The following SLX4IP variants were observed in gnomAD, a reference collection of about 807,000 sequenced individuals.
SLX4IP encodes protein SLX4IP.
In SLX4IP, 34 loss-of-function variants were observed where a neutral mutation model predicts 32.9. The observed-to-expected ratio is 1.03, with a 90% confidence interval of 0.79 to 1.38. The LOEUF (loss-of-function observed/expected upper bound fraction) is 1.38. Ranked by LOEUF, SLX4IP falls within the 40% of genes most tolerant of loss-of-function variation. The probability of loss-of-function intolerance (pLI) is 0.00; values close to 1 mark genes in which losing one functional copy is unlikely to be tolerated. For synonymous variants in SLX4IP, 172 were observed against 171.7 expected, an observed-to-expected ratio of 1.00 and a Z score of -0.01; for missense variants, 444 against 479.0, an observed-to-expected ratio of 0.93 and a Z score of 0.68.
intron 6 of SLX4IP, chr20:10,613,009 G>A (rs549953238): frequency 5.5e-4 from 113 of 205,450 alleles, no homozygotes; most frequent in Admixed American, 2.5e-3. Flanking sequence ...AATGTAAACT[G>A]GGAAGTATGT....
intron 4 of SLX4IP, among the ~76,000 whole-genome samples, chr20:10,593,557 G>A (rs968028462): frequency 1.3e-5 from 2 of 152,046 alleles, no homozygotes; most frequent in African/African-American, 4.8e-5. Flanking sequence ...CAACATAGGG[G>A]GACCATGTCT....
At chr20:10,592,221 A>G (rs914731639) in intron 4 of SLX4IP, among the ~76,000 whole-genome samples, 1 of 152,156 alleles carries the variant, frequency 6.6e-6, no homozygotes, top group Non-Finnish European at 1.5e-5. Context: ...CTAGGATCAA[A>G]TATTCCACTT....
At chr20:10,617,652 C>CT (rs549525000) in intron 6 of SLX4IP, among the ~76,000 whole-genome samples, 34,119 of 112,784 alleles carry the variant, frequency 0.3, 5,864 homozygotes, top group Non-Finnish European at 0.36. Context: ...TTCTTTCTTT[C>CT]TTTTTTTTTT....
chr20:10,522,861 C>G lies in SLX4IP; in HGVS notation c.28-33370C>G, dbSNP rs147005459. On this transcript the variant is annotated intron_variant, in intron 2 of 7. Coordinates refer to ENST00000334534, the MANE Select transcript of SLX4IP (RefSeq NM_001009608.3). The stretch of plus-strand genomic sequence containing the variant: ...CTGTTGCTGAGGAAGGGGGTCCCAC[C>G]ACAGGGTTGCTTGGGCCTTCTGTGA... Among the ~76,000 whole-genome samples, 729 of 152,280 alleles carry G rather than the reference C, an allele frequency of 4.8e-3. 18 individuals carry two copies. The highest frequency in any genetic ancestry group is 0.032 in the Admixed American group (493 of 15,294).
At chr20:10,460,531 A>G (rs867425835) in intron 2 of SLX4IP, among the ~76,000 whole-genome samples, 2 of 152,166 alleles carry the variant, frequency 1.3e-5, no homozygotes, top group Non-Finnish European at 2.9e-5. Context: ...TTTAGTTCTC[A>G]TCCACGTGCC....
intron 1 of SLX4IP, among the ~76,000 whole-genome samples, chr20:10,446,931 A>G (rs536497370): frequency 2.6e-5 from 4 of 152,294 alleles, no homozygotes; most frequent in African/African-American, 9.6e-5. Flanking sequence ...CAATATGGCC[A>G]AAGCTGTCAT....
chr20:10,492,876 G>A (rs1481175302), intron 2 of SLX4IP, among the ~76,000 whole-genome samples: 1 of 151,994 alleles, frequency 6.6e-6, no homozygotes, highest in African/African-American at 2.4e-5. Flanking sequence ...CTGTCATATA[G>A]TATGATTCTA....
At chr20:10,457,059 A>G (rs2065290851) in intron 1 of SLX4IP, among the ~76,000 whole-genome samples, 1 of 152,134 alleles carries the variant, frequency 6.6e-6, no homozygotes, top group African/African-American at 2.4e-5. Context: ...ATTTTAAAAT[A>G]TTTATCATAT....
At chr20:10,443,443 A>C (rs1287821027) in intron 1 of SLX4IP, among the ~76,000 whole-genome samples, 1 of 152,188 alleles carries the variant, frequency 6.6e-6, no homozygotes, top group Admixed American at 6.5e-5. Flanking sequence ...TGTCCCAGAG[A>C]AGGAGCAATT....
Position 10,462,628 on chromosome 20 carries a change from C to T in SLX4IP, c.27+4397C>T, listed in dbSNP as rs192012400. On this transcript the variant is annotated intron_variant, in intron 2 of 7. Transcript: ENST00000334534. ...GATGCAGAATGTAGAAAACACTTCC[C>T]TTCTGATGCACACTGTTTTAGAAAG... 1.1e-3 allele frequency among the ~76,000 whole-genome samples: 166 copies of T among 152,256 alleles called. 1 individual carries two copies. Among genetic ancestry groups the T allele is most frequent in the Non-Finnish European group, 4.0e-4 (27 of 68,016 alleles).
intron 4 of SLX4IP, among the ~76,000 whole-genome samples, chr20:10,570,284 C>T (rs958803896): frequency 1.3e-5 from 2 of 152,238 alleles, no homozygotes; most frequent in African/African-American, 4.8e-5. Context: ...ACTCTCTCAG[C>T]AGCTAACTCT....
intron 4 of SLX4IP, among the ~76,000 whole-genome samples, chr20:10,587,109 A>G (rs1010129356): frequency 6.6e-6 from 1 of 152,168 alleles, no homozygotes; most frequent in Admixed American, 6.5e-5. Context: ...TTACAGGTCA[A>G]TCTCACTCAA....
At chr20:10,612,299 G>C (rs1026942738) in intron 6 of SLX4IP, among the ~76,000 whole-genome samples, 2 of 152,116 alleles carry the variant, frequency 1.3e-5, no homozygotes, top group African/African-American at 4.8e-5. Flanking sequence ...ACCATCAAGG[G>C]GTTGAGAAGC....
At chr20:10,496,946 T>C (rs1456950877) in intron 2 of SLX4IP, among the ~76,000 whole-genome samples, 1 of 152,232 alleles carries the variant, frequency 6.6e-6, no homozygotes, top group Non-Finnish European at 1.5e-5. Flanking sequence ...ACATTTTGTT[T>C]AAACATTGAA....
intron 3 of SLX4IP, among the ~76,000 whole-genome samples, chr20:10,557,581 C>A (rs368381534): frequency 6.6e-6 from 1 of 152,222 alleles, no homozygotes; most frequent in Non-Finnish European, 1.5e-5. Context: ...CCCAAAGTGA[C>A]CAATAGTCAC....
chr20:10,507,874 C>T (rs1284555542), intron 2 of SLX4IP, among the ~76,000 whole-genome samples: 1 of 150,652 alleles, frequency 6.6e-6, no homozygotes, highest in Non-Finnish European at 1.5e-5. Context: ...ACTTAAAAGG[C>T]ATACAAGGAG....
intron 4 of SLX4IP, among the ~76,000 whole-genome samples, chr20:10,592,091 G>T (rs1316085475): frequency 1.3e-5 from 2 of 152,272 alleles, no homozygotes; most frequent in Non-Finnish European, 2.9e-5. Flanking sequence ...GCATCAAATA[G>T]ACATAGCTTT....
chr20:10,536,564 G>C (rs576593532), intron 2 of SLX4IP, among the ~76,000 whole-genome samples: 1 of 152,286 alleles, frequency 6.6e-6, no homozygotes, highest in South Asian at 2.1e-4. Flanking sequence ...AGTTTCCTAA[G>C]GTCTGGCTCC....
intron 3 of SLX4IP, among the ~76,000 whole-genome samples, chr20:10,557,772 C>T (rs2066282925): frequency 6.6e-6 from 1 of 152,186 alleles, no homozygotes; most frequent in Non-Finnish European, 1.5e-5. Flanking sequence ...ATTTGGAATG[C>T]TTTAGAATAA....
Sources: gnomAD v4.1 joint callset for allele counts (sites outside exome capture counted in the v4.1 genomes callset) on GRCh38, gnomAD v4.1.1 for gene constraint, MANE v1.5 for transcripts, NCBI Gene and HGNC (gene_info 2026-07-23, HGNC 2026-07-21) for gene names.